The following TCF20 variants were observed in gnomAD, a reference collection of about 807,000 sequenced individuals.
The protein encoded by TCF20 is SPRE-binding protein.
Under a neutral mutation model 148.6 loss-of-function variants are expected in TCF20, and 3 were observed. That is an observed-to-expected ratio of 0.02 (90% CI 0.01 to 0.05). The LOEUF (loss-of-function observed/expected upper bound fraction) is 0.05. TCF20 is among the 10% of genes least tolerant of loss of function. The pLI is 1.00. For synonymous variants in TCF20, 1,049 were observed against 909.5 expected (o/e 1.15, Z -2.76); for missense variants, 2,350 against 2,429.3 (o/e 0.97, Z 0.69).
At chr22:42,199,583 A>T (rs943664540) in intron 2 of TCF20, among the ~76,000 whole-genome samples, 2 of 151,888 alleles carry the variant, frequency 1.3e-5, no homozygotes, top group African/African-American at 2.4e-5. Context: ...TTAAAAGTCT[A>T]AACAGGCCAG....
chr22:42,233,142 G>A (rs181774935), intron 1 of TCF20, among the ~76,000 whole-genome samples: 100 of 152,122 alleles, frequency 6.6e-4, no homozygotes, highest in Non-Finnish European at 1.5e-4. Context: ...GACTGGTCTC[G>A]GACTCCTGAC....
intron 1 of TCF20, among the ~76,000 whole-genome samples, chr22:42,277,711 A>C (rs1237291579): frequency 6.6e-6 from 1 of 152,196 alleles, no homozygotes; most frequent in Non-Finnish European, 1.5e-5. Context: ...GGAGATGATG[A>C]AGGATTCTGA....
intron 3 of TCF20, among the ~76,000 whole-genome samples, chr22:42,176,334 T>C (rs1354607571): frequency 6.6e-6 from 1 of 151,732 alleles, no homozygotes; most frequent in Non-Finnish European, 1.5e-5. Context: ...GACATATGCT[T>C]AAACAAAAGT....
At chr22:42,216,410 A>G (rs1416364025) in intron 1 of TCF20, among the ~76,000 whole-genome samples, 2 of 152,138 alleles carry the variant, frequency 1.3e-5, no homozygotes, top group African/African-American at 2.4e-5. Flanking sequence ...TATAATTGCC[A>G]ACTACCTGTG....
chr22:42,188,293 C>CAAAAAAAAAAAAAAAAAAAAA lies in TCF20; in HGVS notation c.5656-8612_5656-8592dup, dbSNP rs58945649. 4.0e-5 allele frequency among the ~76,000 whole-genome samples: 2 copies of CAAAAAAAAAAAAAAAAAAAAA among 49,464 alleles called. 1 individual carries two copies. The highest frequency in any genetic ancestry group is 8.5e-5 in the Non-Finnish European group (2 of 23,474). 32.5% of individuals were successfully genotyped at this position (49,464 alleles called of 152,430 possible). A position where few individuals can be genotyped will look rare whatever the true frequency, so the allele number is the denominator to read the frequency against. Reference sequence around the variant, plus strand: ...GGGCAACAAGAGTGAAACTCCGTCTCAAAAAAAAAAAAAAAAAAAAAAAAA... The same window carrying CAAAAAAAAAAAAAAAAAAAAA: ...GGGCAACAAGAGTGAAACTCCGTCTCAAAAAAAAAAAAAAAAAAAAAAAAAAAAAAAAAAAAAAAAAAAAAA... On this transcript the variant is annotated intron_variant, in intron 2 of 5. Coordinates refer to ENST00000677622, the MANE Select transcript of TCF20 (RefSeq NM_001378418.1).
chr22:42,210,309 C>A lies in TCF20; in HGVS notation c.4997G>T (p.Gly1666Val). Residue 1666 changes from glycine (G) to valine (V), a missense_variant, in exon 2 of 6, where the codon GGT becomes GTT. Physicochemically the swap from Gly to Val is moderately radical, Grantham distance 109 (BLOSUM62 -3). This residue lies in a region of TCF20 where 374 missense variants were observed against 398.3 expected (regional missense o/e 0.94). Coordinates refer to ENST00000677622, the MANE Select transcript of TCF20 (RefSeq NM_001378418.1). This position sits in a 1 kb window ranked among gnomAD's most constrained non-coding sequence, Gnocchi z 4.7. Reference protein sequence around the residue: ...EQTKLVRGRKGQRSLTPPPSS... With the variant: ...EQTKLVRGRKVQRSLTPPPSS... The stretch of plus-strand genomic sequence containing the variant: ...AGGTGGAGGGGTCAGTGACCTCTGA[C>A]CCTTCCTGCCCCTCACTAATTTGGT... 1 of 1,614,198 alleles carries A rather than the reference C, an allele frequency of 6.2e-7. No individual in the cohort carries two copies. The highest frequency in any genetic ancestry group is 8.5e-7 in the Non-Finnish European group (1 of 1,180,034).
At position 42,209,589 on chromosome 22, in the gene TCF20, T is replaced by C; in HGVS notation, c.5655+62A>G. 2 of 1,516,688 alleles carry C rather than the reference T, an allele frequency of 1.3e-6. 1 individual carries two copies. The highest frequency in any genetic ancestry group is 2.7e-5 in the South Asian group (2 of 75,120). 94.0% of individuals were successfully genotyped at this position (1,516,688 alleles called of 1,614,324 possible). A position where few individuals can be genotyped will look rare whatever the true frequency, so the allele number is the denominator to read the frequency against. ...CATGTGACATGTAAGAACAAAAACATGCAAGAAAAGGAACCAAATGAAATA... is the reference window on the plus strand; with the variant it reads ...CATGTGACATGTAAGAACAAAAACACGCAAGAAAAGGAACCAAATGAAATA... On this transcript the variant is annotated intron_variant, in intron 2 of 5. Coordinates refer to ENST00000677622, the MANE Select transcript of TCF20 (RefSeq NM_001378418.1).
intron 1 of TCF20, among the ~76,000 whole-genome samples, chr22:42,289,072 C>G (rs148483838): frequency 6.6e-6 from 1 of 152,152 alleles, no homozygotes; most frequent in African/African-American, 2.4e-5. Context: ...AGGCGGGGGC[C>G]GATGACTGGG....
In TCF20 at chr22:42,211,236, T is replaced by C. The variant is rs1920953124; in HGVS notation, c.4070A>G (p.Gln1357Arg). 1 of 1,614,074 alleles carries C rather than the reference T, an allele frequency of 6.2e-7. No individual in the cohort carries two copies. Among genetic ancestry groups the C allele is most frequent in the Admixed American group, 1.7e-5 (1 of 60,004 alleles). Residue 1357 changes from glutamine (Q) to arginine (R), a missense_variant, in exon 2 of 6, where the codon CAG becomes CGG. Physicochemically the swap from Gln to Arg is conservative, Grantham distance 43 (BLOSUM62 1). Around this residue, in one of 7 missense-constraint regions of TCF20, gnomAD observed 3 missense variants for 16.0 expected, o/e 0.19. Coordinates refer to ENST00000677622, the MANE Select transcript of TCF20 (RefSeq NM_001378418.1). ...GRGLKLEAIV[Q>R]KITSPNIRRS... Reference sequence around the variant, plus strand: ...CCTAATATTTGGGGATGTAATCTTCTGAACTATAGCTTCCAATTTCAATCC... The same window carrying C: ...CCTAATATTTGGGGATGTAATCTTCCGAACTATAGCTTCCAATTTCAATCC...
chr22:42,214,933 T>G lies in TCF20; in HGVS notation c.373A>C (p.Ser125Arg). Residue 125 changes from serine (S) to arginine (R), a missense_variant, in exon 2 of 6, where the codon AGC (serine) becomes CGC (arginine). Physicochemically the swap from Ser to Arg is moderately radical, Grantham distance 110 (BLOSUM62 -1). This residue lies in a region of TCF20 where 1,641 missense variants were observed against 1,662.6 expected (regional missense o/e 0.99). Transcript: ENST00000677622. Reference sequence around the variant, plus strand: ...TCACTCCCATACTGATTGCCAAAGCTGCTCCCCTGGGGGGGTCCATAGCTC... The same window carrying G: ...TCACTCCCATACTGATTGCCAAAGCGGCTCCCCTGGGGGGGTCCATAGCTC... Reference protein sequence around the residue: ...VQSYGPPQGSSFGNQYGSEGH... With the variant: ...VQSYGPPQGSRFGNQYGSEGH... The G allele has an allele frequency of 6.2e-7, 1 of 1,614,202 alleles. No individual in the cohort carries two copies. The highest frequency in any genetic ancestry group is 8.5e-7 in the Non-Finnish European group (1 of 1,180,034).
chr22:42,213,538 G>A lies in TCF20; in HGVS notation c.1768C>T (p.Pro590Ser), dbSNP rs749582668. 2 of 1,614,178 alleles carry A rather than the reference G, an allele frequency of 1.2e-6. No individual in the cohort carries two copies. The highest frequency in any genetic ancestry group is 2.2e-5 in the South Asian group (2 of 91,080). The change falls in exon 2 of 6, where the codon CCA becomes TCA. Residue 590 changes from proline to serine, a missense_variant. Physicochemically the swap from Pro to Ser is moderately conservative, Grantham distance 74. Coordinates refer to ENST00000677622, the MANE Select transcript of TCF20 (RefSeq NM_001378418.1). The stretch of plus-strand genomic sequence containing the variant: ...TTTGGGTTCCCGTCGGATGACAATG[G>A]CATGTCCTTAGCGCCTGGTGAGGTG... ...EATSPGAKDM[P>S]LSSDGNPKVN...
intron 1 of TCF20, among the ~76,000 whole-genome samples, chr22:42,222,704 G>C (rs1234809849): frequency 6.6e-6 from 1 of 152,122 alleles, no homozygotes; most frequent in East Asian, 1.9e-4. Flanking sequence ...GTGTCCTGCT[G>C]TATCTTAAGA....
At chr22:42,322,908 G>GT (rs1399250572) in intron 1 of TCF20, among the ~76,000 whole-genome samples, 1 of 149,104 alleles carries the variant, frequency 6.7e-6, no homozygotes, top group Admixed American at 6.7e-5. Flanking sequence ...TTTTTTGTTT[G>GT]TTTTTCGTTT....
chr22:42,217,219 T>C (rs1921900536), intron 1 of TCF20, among the ~76,000 whole-genome samples: 1 of 152,188 alleles, frequency 6.6e-6, no homozygotes, highest in Admixed American at 6.5e-5. Context: ...TATCACTCTC[T>C]GCTCTAGCCC....
chr22:42,224,534 C>CAAAAAAA (rs66858906), intron 1 of TCF20, among the ~76,000 whole-genome samples: 5 of 39,566 alleles, frequency 1.3e-4, no homozygotes, highest in Admixed American at 3.5e-4. Context: ...AAAGCTGGTA[C>CAAAAAAA]AAAAAAAAAA....
rs1491280192 is a variant in TCF20, at chr22:42,242,227, A to AAAAAAAAAAAAAAAAAAAAAAAAAAAT, written c.-36-26887_-36-26886insATTTTTTTTTTTTTTTTTTTTTTTTTT. Among the ~76,000 whole-genome samples the AAAAAAAAAAAAAAAAAAAAAAAAAAAT allele has an allele frequency of 3.8e-4, 47 of 122,742 alleles. 5 individuals carry two copies. The highest frequency in any genetic ancestry group is 5.9e-4 in the Non-Finnish European group (34 of 57,892). The allele number at this position is 122,742 out of a possible 152,430, so 80.5% of individuals were successfully genotyped here. ...CAAAAAAAAAAAAAAAAAAAAAAAA[A>AAAAAAAAAAAAAAAAAAAAAAAAAAAT]CAGAAAAGAAAGGGTGACTACAAGG... On this transcript the variant is annotated intron_variant, in intron 1 of 5. Coordinates refer to ENST00000677622, the MANE Select transcript of TCF20 (RefSeq NM_001378418.1).
intron 1 of TCF20, among the ~76,000 whole-genome samples, chr22:42,339,617 G>A (rs541944689): frequency 6.6e-5 from 10 of 152,320 alleles, no homozygotes; most frequent in Admixed American, 3.3e-4. Context: ...TTACTACTGC[G>A]GGATTCCCAT....
intron 2 of TCF20, among the ~76,000 whole-genome samples, chr22:42,184,297 A>G (rs1936938255): frequency 6.6e-6 from 1 of 152,160 alleles, no homozygotes; most frequent in Non-Finnish European, 1.5e-5. Context: ...CTGAACCCCA[A>G]GTTCAACTTT....
upstream of TCF20, among the ~76,000 whole-genome samples, chr22:42,275,561 T>C (rs80504): frequency 0.67 from 101,735 of 152,060 alleles, 34,692 homozygotes; most frequent in Non-Finnish European, 0.75. Context: ...AGCTGTAAAT[T>C]GGGCTGGGAG....
Sources: gnomAD v4.1 joint callset for allele counts (sites outside exome capture counted in the v4.1 genomes callset) on GRCh38, gnomAD v4.1.1 for gene constraint, gnomAD v4.1.1 regional missense constraint, Gnocchi (gnomAD v3.1) non-coding constraint, MANE v1.5 for transcripts, NCBI Gene and HGNC (gene_info 2026-07-23, HGNC 2026-07-21) for gene names.